Variants in GRIN1 observed in about 807,000 individuals in gnomAD.
GRIN1 encodes glutamate ionotropic receptor NMDA type subunit 1.
GRIN1 carries 38 observed loss-of-function variants against 103.0 expected under a neutral mutation model. The observed-to-expected ratio is 0.37, with a 90% confidence interval of 0.28 to 0.48. The LOEUF is 0.48. GRIN1 is among the 20% of genes least tolerant of loss of function. The probability of loss-of-function intolerance (pLI) is 0.98; values close to 1 mark genes in which losing one functional copy is unlikely to be tolerated. For missense variants in GRIN1, 577 were observed against 1,288.9 expected (o/e 0.45, Z 8.46); for synonymous variants, 544 against 532.7 (o/e 1.02, Z -0.29).
At chr9:137,160,618 G>T (rs1048831067) in intron 8 of GRIN1, among the ~76,000 whole-genome samples, 8 of 152,168 alleles carry the variant, frequency 5.3e-5, no homozygotes, top group Non-Finnish European at 1.0e-4. Flanking sequence ...TTTCAGTAGA[G>T]ACGGGGTTTC....
rs199592846 is a variant in GRIN1 at position 137,163,223 on chromosome 9, G to A, written c.2226G>A (p.Gln742=). The A allele has an allele frequency of 6.2e-7, 1 of 1,613,702 alleles. No homozygotes were observed. Residue 742 remains glutamine, a synonymous_variant, in exon 16 of 20, where the codon CAG becomes CAA. Coordinates refer to ENST00000371561, the MANE Select transcript of GRIN1 (RefSeq NM_007327.4). The part of the protein sequence containing the change: ...DSAVLEFEAS[Q]KCDLVTTGEL... Reference sequence around the variant, plus strand: ...CGGTGCTGGAGTTCGAGGCCTCGCAGAAGTGCGACCTGGTGACGACTGGAG... The same window carrying A: ...CGGTGCTGGAGTTCGAGGCCTCGCAAAAGTGCGACCTGGTGACGACTGGAG...
chr9:137,157,090 G>A, intron 6 of GRIN1, 53 bp downstream of exon 6: 3 of 1,487,850 alleles, frequency 2.0e-6, no homozygotes, highest in Non-Finnish European at 2.7e-6. Flanking sequence ...GAGGTGGGCG[G>A]GGTCACTCCA....
At chr9:137,151,485 C>T (rs1280625427) in intron 4 of GRIN1, among the ~76,000 whole-genome samples, 2 of 151,522 alleles carry the variant, frequency 1.3e-5, no homozygotes, top group East Asian at 1.9e-4. Context: ...GGGAAAGCCC[C>T]GCCCAGGGAA....
intron 19 of GRIN1, among the ~76,000 whole-genome samples, chr9:137,165,605 C>A (rs1353151148): frequency 6.6e-6 from 1 of 152,224 alleles, no homozygotes. Context: ...TCAGCCACAC[C>A]ACCTCTCGGG....
Position 137,146,082 on chromosome 9 carries a change from G to A in GRIN1, c.570+180G>A, listed in dbSNP as rs1329930585. On this transcript the variant is annotated intron_variant, in intron 3 of 19. Transcript: ENST00000371561. The surrounding 1 kb of genome is among the most constrained non-coding windows in gnomAD (Gnocchi z 6.7). Reference sequence around the variant, plus strand: ...CTCATTTCACTCGCTTTTGCCATTAGTCGAAATCTCCTTCGTGTCAGTCCC... The same window carrying A: ...CTCATTTCACTCGCTTTTGCCATTAATCGAAATCTCCTTCGTGTCAGTCCC... Among the ~76,000 whole-genome samples, 1 of 152,160 alleles carries A rather than the reference G, an allele frequency of 6.6e-6. No individual in the cohort carries two copies. The highest frequency in any genetic ancestry group is 1.5e-5 in the Non-Finnish European group (1 of 68,008).
At chr9:137,165,716 C>T (rs1833840150) in intron 19 of GRIN1, among the ~76,000 whole-genome samples, 2 of 152,254 alleles carry the variant, frequency 1.3e-5, no homozygotes, top group Non-Finnish European at 2.9e-5. Context: ...TTTCTCTCGC[C>T]TCTCCCAGAG....
At chr9:137,166,935 G>A (rs192009289) in intron 19 of GRIN1, among the ~76,000 whole-genome samples, 6 of 152,350 alleles carry the variant, frequency 3.9e-5, no homozygotes, top group South Asian at 4.1e-4. Flanking sequence ...CACAAATGTC[G>A]TGCAGGTGAT....
intron 16 of GRIN1, 82 bp from the exon 17 acceptor site, chr9:137,163,477 C>T (rs555127419): frequency 3.3e-5 from 42 of 1,268,862 alleles, no homozygotes; most frequent in Non-Finnish European, 4.4e-5. Context: ...ACCCCGCAGG[C>T]CCCGCCCCGG....
chr9:137,154,453 T>G (rs1387120222), intron 4 of GRIN1, among the ~76,000 whole-genome samples: 2 of 116,898 alleles, frequency 1.7e-5, no homozygotes, highest in Non-Finnish European at 1.7e-5. Context: ...TTTTTTTTTT[T>G]TTTTTTTTTT....
chr9:137,156,573 G>A, intron 4 of GRIN1, 96 bp from the exon 5 acceptor site: 2 of 1,510,548 alleles, frequency 1.3e-6, no homozygotes, highest in Non-Finnish European at 1.8e-6. Context: ...ATGGGGGCTG[G>A]GCAGGTCCCT....
intron 2 of GRIN1, among the ~76,000 whole-genome samples, chr9:137,142,407 C>T (rs1184606379): frequency 6.6e-6 from 1 of 152,140 alleles, no homozygotes; most frequent in African/African-American, 2.4e-5. Flanking sequence ...TGGAGCCCAG[C>T]ACGTGCCCCC....
chr9:137,159,380 A>G (rs762916923), intron 8 of GRIN1, among the ~76,000 whole-genome samples: 40 of 152,168 alleles, frequency 2.6e-4, no homozygotes, highest in Non-Finnish European at 5.0e-4. Context: ...AAGCCCTCAA[A>G]TGTCTCTTGA....
chr9:137,151,126 C>T (rs188978449), intron 4 of GRIN1, among the ~76,000 whole-genome samples: 1,793 of 128,772 alleles, frequency 0.014, 43 homozygotes, highest in African/African-American at 0.05. Context: ...AAGTCGCGCC[C>T]GGGGAAAGCC....
At position 137,141,945 on chromosome 9, in the gene GRIN1, A is replaced by G. The variant is rs1471395058; in HGVS notation, c.259-68A>G. The G allele has an allele frequency of 2.6e-6, 4 of 1,567,758 alleles. No individual in the cohort carries two copies. In the African/African-American group the frequency reaches 5.4e-5, roughly 21 times the overall value. On this transcript the variant is annotated intron_variant, in intron 1 of 19. Transcript: ENST00000371561. ...TGGGTTCAGCCCCTGCTGCTTCCAG[A>G]TCTCAGCCTCTAACCCAGTGCCTGG...
Position 137,160,825 on chromosome 9 carries a change from C to G in GRIN1, c.1198-231C>G, listed in dbSNP as rs186486522. On this transcript the variant is annotated intron_variant, in intron 8 of 19. Coordinates refer to ENST00000371561, the MANE Select transcript of GRIN1 (RefSeq NM_007327.4). ...TCTGAGCCCCCAGCCCCCACCCCCCCGGGGCTGCAGGCAGACGATGCTGAC... is the reference window on the plus strand; with the variant it reads ...TCTGAGCCCCCAGCCCCCACCCCCCGGGGGCTGCAGGCAGACGATGCTGAC... 6.3e-3 allele frequency among the ~76,000 whole-genome samples: 967 copies of G among 152,310 alleles called. 14 individuals are homozygous for G. Among genetic ancestry groups the G allele is most frequent in the African/African-American group, 0.021 (889 of 41,562 alleles).
At chr9:137,153,149 G>C (rs1388075430) in intron 4 of GRIN1, among the ~76,000 whole-genome samples, 1 of 145,664 alleles carries the variant, frequency 6.9e-6, no homozygotes, top group Non-Finnish European at 1.5e-5. Context: ...ACACACCATA[G>C]TCACACCACT....
intron 2 of GRIN1, among the ~76,000 whole-genome samples, chr9:137,142,777 G>A (rs940078484): frequency 1.3e-5 from 2 of 152,338 alleles, no homozygotes; most frequent in Non-Finnish European, 1.5e-5. Context: ...AGGCATGGGT[G>A]GAGAGCAATG....
intron 18 of GRIN1, chr9:137,164,343 C>G (rs1209854050): frequency 3.5e-6 from 1 of 285,668 alleles, no homozygotes; most frequent in Non-Finnish European, 6.9e-6. Flanking sequence ...CTCCGTGACT[C>G]TAATCCGAAT....
chr9:137,155,887 G>A (rs1383221688), intron 4 of GRIN1, among the ~76,000 whole-genome samples: 1 of 152,244 alleles, frequency 6.6e-6, no homozygotes. Context: ...CTGGGTGGCT[G>A]GGCGAAGGCA....
Sources: gnomAD v4.1 joint callset for allele counts (sites outside exome capture counted in the v4.1 genomes callset) on GRCh38, gnomAD v4.1.1 for gene constraint, Gnocchi (gnomAD v3.1) non-coding constraint, MANE v1.5 for transcripts, NCBI Gene and HGNC (gene_info 2026-07-23, HGNC 2026-07-21) for gene names.